The following STPG2 variants were observed in gnomAD, a reference collection of about 807,000 sequenced individuals.
The protein encoded by STPG2 is sperm-tail PG-rich repeat-containing protein 2.
Under a neutral mutation model 54.2 loss-of-function variants are expected in STPG2, and 56 were observed. The ratio of observed to expected loss-of-function variants is 1.03; its 90% CI spans 0.83 to 1.29. The LOEUF is 1.29. Ranked by LOEUF, STPG2 falls within the 50% of genes most tolerant of loss-of-function variation. The pLI is 0.00. For missense variants in STPG2, 596 were observed against 544.9 expected (o/e 1.09, Z -0.93); for synonymous variants, 200 against 181.8 (o/e 1.10, Z -0.81).
intron 4 of STPG2, among the ~76,000 whole-genome samples, chr4:97,505,348 C>T (rs1730821456): frequency 6.6e-6 from 1 of 151,782 alleles, no homozygotes; most frequent in Admixed American, 6.6e-5. Context: ...CAAATATGTA[C>T]TTTTTAAGAA....
intron 8 of STPG2, among the ~76,000 whole-genome samples, chr4:97,930,768 C>A (rs1732513969): frequency 7.2e-6 from 1 of 139,562 alleles, no homozygotes; most frequent in East Asian, 2.0e-4. Flanking sequence ...TTGCTTTGGG[C>A]AGTATGGCCA....
intron 8 of STPG2, among the ~76,000 whole-genome samples, chr4:97,920,501 A>C (rs760643583): frequency 8.5e-5 from 13 of 152,144 alleles, no homozygotes; most frequent in Non-Finnish European, 1.6e-4. Context: ...AATTGGGTTG[A>C]TGTTACGTAG....
intron 4 of STPG2, among the ~76,000 whole-genome samples, chr4:97,503,508 T>C (rs1309965313): frequency 1.3e-5 from 2 of 151,716 alleles, no homozygotes; most frequent in Admixed American, 1.3e-4. Flanking sequence ...TTAGTATTTT[T>C]TTTTTCTTGA....
At chr4:98,020,654 C>G (rs1445587148) in intron 5 of STPG2, among the ~76,000 whole-genome samples, 1 of 152,010 alleles carries the variant, frequency 6.6e-6, no homozygotes, top group Non-Finnish European at 1.5e-5. Flanking sequence ...GTCCTGGACT[C>G]TTTTTGGTTG....
intron 2 of STPG2, among the ~76,000 whole-genome samples, chr4:98,133,243 A>G (rs945421799): frequency 1.3e-5 from 2 of 152,064 alleles, no homozygotes; most frequent in African/African-American, 4.8e-5. Context: ...GGGTGAAATT[A>G]CATCATAAAG....
chr4:98,117,344 A>C (rs919856953), intron 3 of STPG2, among the ~76,000 whole-genome samples: 3 of 151,664 alleles, frequency 2.0e-5, no homozygotes, highest in African/African-American at 7.3e-5. Context: ...GCTGCCCTCA[A>C]GATTTTCTTT....
At chr4:97,458,301 T>C (rs1326749092) in intron 4 of STPG2, among the ~76,000 whole-genome samples, 2 of 152,194 alleles carry the variant, frequency 1.3e-5, no homozygotes, top group African/African-American at 4.8e-5. Context: ...AAAATTGGTT[T>C]AAAATTAATA....
chr4:97,589,553 T>A (rs1244131390), intron 10 of STPG2, among the ~76,000 whole-genome samples: 1 of 152,100 alleles, frequency 6.6e-6, no homozygotes, highest in African/African-American at 2.4e-5. Flanking sequence ...AGGTCAGGAG[T>A]TGGCAAGCTT....
chr4:97,815,856 G>A (rs1251406263), intron 9 of STPG2, among the ~76,000 whole-genome samples: 1 of 152,052 alleles, frequency 6.6e-6, no homozygotes, highest in East Asian at 1.9e-4. Context: ...CAACTTGACT[G>A]GTTCACAGGA....
chr4:98,032,152 T>A (rs1233948874), intron 5 of STPG2, among the ~76,000 whole-genome samples: 2 of 152,194 alleles, frequency 1.3e-5, no homozygotes, highest in East Asian at 3.9e-4. Flanking sequence ...TGAAACACAG[T>A]GTGGAGATTC....
Position 97,995,963 on chromosome 4 carries a change from CA to C in STPG2, c.613-14646del, listed in dbSNP as rs547182910. Among the ~76,000 whole-genome samples the C allele has an allele frequency of 1.4e-3, 212 of 152,300 alleles. 1 individual carries two copies. Among genetic ancestry groups the C allele is most frequent in the African/African-American group, 4.9e-3 (205 of 41,572 alleles). On this transcript the variant is annotated intron_variant, in intron 5 of 10. Transcript: ENST00000295268. ...TGACACAAACAGACAAAAAAAATTC[CA>C]TGCTCTGAGATAGTAAGAATCAATA...
At chr4:97,915,779 C>G (rs1430157339) in intron 8 of STPG2, among the ~76,000 whole-genome samples, 1 of 152,106 alleles carries the variant, frequency 6.6e-6, no homozygotes, top group Non-Finnish European at 1.5e-5. Context: ...TAATGAAATG[C>G]TAGCTCAAGG....
At position 97,921,319 on chromosome 4, in the gene STPG2, A is replaced by G. The variant is rs1451107596; in HGVS notation, c.1044+22578T>C. On this transcript the variant is annotated intron_variant, in intron 8 of 10. Transcript: ENST00000295268. Reference sequence around the variant, plus strand: ...TCCTGCAGACTCATAGTCCAGACCTACCCCAGTTTCCAAAGTGGCCTGACA... The same window carrying G: ...TCCTGCAGACTCATAGTCCAGACCTGCCCCAGTTTCCAAAGTGGCCTGACA... 2.6e-5 allele frequency among the ~76,000 whole-genome samples: 4 copies of G among 152,104 alleles called. No individual in the cohort carries two copies. In the East Asian group the frequency reaches 7.7e-4, roughly 29 times the overall value.
chr4:98,027,805 T>C (rs769912515), intron 5 of STPG2, among the ~76,000 whole-genome samples: 1 of 152,204 alleles, frequency 6.6e-6, no homozygotes, highest in Non-Finnish European at 1.5e-5. Context: ...AAGAATAGCA[T>C]TGCTTTCAGC....
chr4:97,768,194 C>T (rs1726117100), intron 9 of STPG2, among the ~76,000 whole-genome samples: 1 of 151,824 alleles, frequency 6.6e-6, no homozygotes, highest in South Asian at 2.1e-4. Flanking sequence ...AAGAGTTAAC[C>T]TCTTGATACT....
At chr4:98,084,834 C>A (rs1738458198) in intron 5 of STPG2, among the ~76,000 whole-genome samples, 1 of 151,924 alleles carries the variant, frequency 6.6e-6, no homozygotes, top group Non-Finnish European at 1.5e-5. Context: ...TATAAGAATT[C>A]TTTATTATTC....
At chr4:97,594,911 C>T (rs1733243383) in intron 10 of STPG2, among the ~76,000 whole-genome samples, 1 of 152,140 alleles carries the variant, frequency 6.6e-6, no homozygotes, top group African/African-American at 2.4e-5. Flanking sequence ...TACCATCTCA[C>T]ACCAGTTAGA....
chr4:97,915,969 A>G (rs541400500), intron 8 of STPG2, among the ~76,000 whole-genome samples: 12 of 152,312 alleles, frequency 7.9e-5, no homozygotes, highest in Non-Finnish European at 1.3e-4. Flanking sequence ...CAGATGGGGC[A>G]TAATTAGTCA....
chr4:97,862,371 G>A (rs746898975), intron 8 of STPG2, among the ~76,000 whole-genome samples: 24 of 151,944 alleles, frequency 1.6e-4, no homozygotes, highest in Non-Finnish European at 3.2e-4. Flanking sequence ...AATGGTAAAC[G>A]GATCAATTCA....
Sources: gnomAD v4.1 joint callset for allele counts (sites outside exome capture counted in the v4.1 genomes callset) on GRCh38, gnomAD v4.1.1 for gene constraint, MANE v1.5 for transcripts, NCBI Gene and HGNC (gene_info 2026-07-23, HGNC 2026-07-21) for gene names.